Variants in DCC observed in about 807,000 individuals in gnomAD.
DCC encodes netrin receptor DCC.
DCC carries 58 observed loss-of-function variants against 172.5 expected under a neutral mutation model. The observed-to-expected ratio is 0.34, with a 90% CI of 0.27 to 0.42. The LOEUF (loss-of-function observed/expected upper bound fraction) is 0.42. Among genes scored for constraint, DCC ranks in the 10% least tolerant of loss-of-function variants. The pLI, the probability that DCC is intolerant of heterozygous loss-of-function variation, is 1.00. For synonymous variants in DCC, 709 were observed against 644.5 expected (o/e 1.10, Z -1.52); for missense variants, 1,740 against 1,791.0 (o/e 0.97, Z 0.51).
At chr18:53,075,179 G>A (rs956983589) in intron 7 of DCC, among the ~76,000 whole-genome samples, 1 of 152,140 alleles carries the variant, frequency 6.6e-6, no homozygotes, top group African/African-American at 2.4e-5. Flanking sequence ...AGTGGACAAG[G>A]TTAAGGGAAA....
At chr18:53,317,797 G>A (rs2057361124) in intron 13 of DCC, among the ~76,000 whole-genome samples, 1 of 152,068 alleles carries the variant, frequency 6.6e-6, no homozygotes, top group African/African-American at 2.4e-5. Context: ...TTCTCTGATG[G>A]TAGTTTGTAT....
intron 8 of DCC, among the ~76,000 whole-genome samples, chr18:53,172,900 G>C (rs2055034656): frequency 6.6e-6 from 1 of 151,998 alleles, no homozygotes; most frequent in Non-Finnish European, 1.5e-5. Context: ...CCCACTAACT[G>C]TGAAGCCTTT....
intron 5 of DCC, among the ~76,000 whole-genome samples, chr18:52,963,966 C>T (rs1194191913): frequency 6.6e-6 from 1 of 151,944 alleles, no homozygotes; most frequent in African/African-American, 2.4e-5. Context: ...TAAAAAGGTG[C>T]ATAAGGAAAA....
chr18:53,014,147 GTTGGCCCATT>G (rs1174008752), intron 5 of DCC, among the ~76,000 whole-genome samples: 1 of 152,080 alleles, frequency 6.6e-6, no homozygotes. Context: ...GACCAAAACA[GTTGGCCCATT>G]TTGAATCAAT....
intron 1 of DCC, among the ~76,000 whole-genome samples, chr18:52,708,128 T>C (rs887569080): frequency 2.0e-5 from 3 of 152,132 alleles, no homozygotes; most frequent in Non-Finnish European, 4.4e-5. Flanking sequence ...CAACTTTTAT[T>C]TGTCAATTTA....
chr18:53,353,302 T>C (rs1473483842), intron 15 of DCC, among the ~76,000 whole-genome samples: 1 of 150,398 alleles, frequency 6.6e-6, no homozygotes, highest in African/African-American at 2.4e-5. Context: ...AGGTATTTGA[T>C]AAAATATAGG....
At chr18:52,390,496 A>G (rs1292263776) in intron 1 of DCC, among the ~76,000 whole-genome samples, 2 of 152,128 alleles carry the variant, frequency 1.3e-5, no homozygotes, top group African/African-American at 4.8e-5. Context: ...ATTTAAAAAT[A>G]AAGAAGTTTG....
intron 2 of DCC, among the ~76,000 whole-genome samples, chr18:52,884,310 C>T (rs1221979826): frequency 6.6e-6 from 1 of 151,968 alleles, no homozygotes; most frequent in East Asian, 1.9e-4. Context: ...TTCTCTACTT[C>T]CTCTTGAAGA....
chr18:52,806,864 G>A (rs1368421892), intron 2 of DCC, among the ~76,000 whole-genome samples: 3 of 152,128 alleles, frequency 2.0e-5, no homozygotes, highest in Non-Finnish European at 4.4e-5. Context: ...TGGTCATGAG[G>A]GGGAACTTTT....
At chr18:53,334,522 C>T (rs1404965412) in intron 14 of DCC, among the ~76,000 whole-genome samples, 1 of 152,176 alleles carries the variant, frequency 6.6e-6, no homozygotes, top group Non-Finnish European at 1.5e-5. Context: ...CACCACCCAT[C>T]TCCAGAACTC....
chr18:52,904,653 T>C (rs2039854929), intron 2 of DCC, among the ~76,000 whole-genome samples: 1 of 152,152 alleles, frequency 6.6e-6, no homozygotes, highest in Non-Finnish European at 1.5e-5. Context: ...TGGACAAAAT[T>C]TAAACCTGGA....
At chr18:52,516,514 C>G (rs1402315517) in intron 1 of DCC, among the ~76,000 whole-genome samples, 4 of 152,268 alleles carry the variant, frequency 2.6e-5, no homozygotes, top group Non-Finnish European at 5.9e-5. Context: ...ACAAACTGTA[C>G]TTGATCTTCT....
intron 5 of DCC, among the ~76,000 whole-genome samples, chr18:52,978,132 G>A (rs2041153064): frequency 6.6e-6 from 1 of 152,038 alleles, no homozygotes; most frequent in South Asian, 2.1e-4. Flanking sequence ...GTGCTTCCGA[G>A]TTTATCTTAA....
intron 1 of DCC, among the ~76,000 whole-genome samples, chr18:52,523,836 T>C (rs765036901): frequency 2.0e-5 from 3 of 152,222 alleles, no homozygotes; most frequent in Non-Finnish European, 4.4e-5. Flanking sequence ...GACTTGGGAT[T>C]ATCATTTAGT....
intron 7 of DCC, among the ~76,000 whole-genome samples, chr18:53,111,468 C>A (rs1195326373): frequency 5.4e-5 from 8 of 149,450 alleles, no homozygotes; most frequent in Non-Finnish European, 1.0e-4. Context: ...GAGAGACCAC[C>A]AACTTTGGGT....
intron 8 of DCC, among the ~76,000 whole-genome samples, chr18:53,175,170 C>T (rs1394103403): frequency 6.6e-6 from 1 of 152,100 alleles, no homozygotes; most frequent in Non-Finnish European, 1.5e-5. Context: ...ATTGATGGGA[C>T]ATATTTCCAA....
intron 7 of DCC, among the ~76,000 whole-genome samples, chr18:53,152,733 C>A (rs1000377379): frequency 1.3e-5 from 2 of 152,212 alleles, no homozygotes; most frequent in Admixed American, 1.3e-4. Flanking sequence ...GAAAAGAAGT[C>A]CTGATTGGTT....
chr18:52,623,702 A>G (rs1375565486), intron 1 of DCC, among the ~76,000 whole-genome samples: 1 of 151,470 alleles, frequency 6.6e-6, no homozygotes, highest in East Asian at 1.9e-4. Context: ...CTTGTGTAGC[A>G]TTTTCCCCCT....
At chr18:53,152,653 T>C (rs2054660421) in intron 7 of DCC, among the ~76,000 whole-genome samples, 1 of 152,164 alleles carries the variant, frequency 6.6e-6, no homozygotes, top group South Asian at 2.1e-4. Flanking sequence ...ATAAAGAAGC[T>C]GTAGCTATAG....
Sources: allele counts gnomAD v4.1 joint callset (sites outside exome capture counted in the v4.1 genomes callset), GRCh38; gene constraint gnomAD v4.1.1; transcripts MANE v1.5; gene names NCBI Gene and HGNC (gene_info 2026-07-23, HGNC 2026-07-21).